Variants in IPO11 observed in about 807,000 individuals in gnomAD.
IPO11 encodes the protein importin 11, also known as importin-11.
IPO11 carries 66 observed loss-of-function variants against 143.2 expected under a neutral mutation model. The ratio of observed to expected loss-of-function variants is 0.46; its 90% CI spans 0.38 to 0.57. The LOEUF (loss-of-function observed/expected upper bound fraction) is 0.57. Ranked by LOEUF, IPO11 falls within the 20% of genes least tolerant of loss-of-function variation. The pLI, the probability that IPO11 is intolerant of heterozygous loss-of-function variation, is 0.00. For synonymous variants in IPO11, 385 were observed against 377.8 expected, an observed-to-expected ratio of 1.02 and a Z score of -0.22; for missense variants, 1,026 against 1,141.0, an observed-to-expected ratio of 0.90 and a Z score of 1.45.
chr5:62,545,519 A>G (rs984877009), intron 24 of IPO11, among the ~76,000 whole-genome samples: 1 of 152,128 alleles, frequency 6.6e-6, no homozygotes, highest in African/African-American at 2.4e-5. Flanking sequence ...TAGGCAATAC[A>G]ATTCAGGACA....
At chr5:62,449,390 T>G (rs560201590) in intron 3 of IPO11, among the ~76,000 whole-genome samples, 1 of 152,348 alleles carries the variant, frequency 6.6e-6, no homozygotes, top group Non-Finnish European at 1.5e-5. Context: ...TGATTTCTGA[T>G]AAGTCACCCA....
intron 24 of IPO11, among the ~76,000 whole-genome samples, chr5:62,543,981 T>C (rs1013063122): frequency 1.4e-4 from 21 of 152,334 alleles, no homozygotes; most frequent in Non-Finnish European, 2.5e-4. Context: ...TCAGTTTCCA[T>C]GTAGTTGAGC....
At chr5:62,618,844 C>T (rs891842741) in intron 29 of IPO11, among the ~76,000 whole-genome samples, 7 of 152,132 alleles carry the variant, frequency 4.6e-5, no homozygotes, top group Non-Finnish European at 1.0e-4. Context: ...CCAAAAGCCC[C>T]TCTCCTCAAA....
intron 1 of IPO11, among the ~76,000 whole-genome samples, chr5:62,420,309 AAG>A (rs1743466435): frequency 6.6e-6 from 1 of 151,718 alleles, no homozygotes; most frequent in African/African-American, 2.4e-5. Context: ...AAAAAAAAAA[AAG>A]TATAATGTAG....
Position 62,489,387 on chromosome 5 carries a change from T to C in IPO11, c.1357+38T>C, listed in dbSNP as rs772497955. The C allele has an allele frequency of 4.3e-6, 6 of 1,398,786 alleles. No homozygotes were observed. The South Asian group carries it at 7.8e-5, about 18-fold the overall frequency. The allele number at this position is 1,398,786 out of a possible 1,614,324, so 86.6% of individuals were successfully genotyped here. ...TAAGTGATTTAGAAGCATTTATTTA[T>C]TCAGTAGATGGAGAGTCTGTTTTGT... On this transcript the variant is annotated intron_variant, in intron 14 of 29. Transcript: ENST00000325324.
intron 27 of IPO11, among the ~76,000 whole-genome samples, chr5:62,568,585 A>AAAAAC (rs1744035505): frequency 6.6e-6 from 1 of 150,776 alleles, no homozygotes; most frequent in South Asian, 2.1e-4. Flanking sequence ...AAAAAAAAAA[A>AAAAAC]AAAAAAAAAA....
chr5:62,507,057 T>C (rs1741577758), intron 19 of IPO11, among the ~76,000 whole-genome samples: 1 of 152,204 alleles, frequency 6.6e-6, no homozygotes, highest in African/African-American at 2.4e-5. Flanking sequence ...AAGCAGTTGA[T>C]GAGAATAGCT....
chr5:62,558,992 GTAT>G (rs1295003410), intron 26 of IPO11, among the ~76,000 whole-genome samples: 1 of 152,072 alleles, frequency 6.6e-6, no homozygotes, highest in African/African-American at 2.4e-5. Context: ...GTGCACAATG[GTAT>G]TATGTCTAAA....
intron 1 of IPO11, among the ~76,000 whole-genome samples, chr5:62,436,277 G>T (rs781496873): frequency 2.0e-5 from 3 of 152,052 alleles, no homozygotes; most frequent in Non-Finnish European, 4.4e-5. Context: ...TTTAACAAAG[G>T]AATTCATTTG....
At chr5:62,614,938 C>A (rs1746074610) in intron 29 of IPO11, among the ~76,000 whole-genome samples, 2 of 152,052 alleles carry the variant, frequency 1.3e-5, no homozygotes, top group Admixed American at 1.3e-4. Flanking sequence ...GGAAGATGAT[C>A]TTTCCCTAGA....
chr5:62,579,293 A>C (rs1337800955), intron 27 of IPO11: 5 of 738,576 alleles, frequency 6.8e-6, no homozygotes, highest in Non-Finnish European at 1.2e-5. Flanking sequence ...TTATGATAGT[A>C]TTATTGGCTG....
intron 1 of IPO11, among the ~76,000 whole-genome samples, chr5:62,435,170 A>ATG (rs1305028370): frequency 0.042 from 4,289 of 103,284 alleles, 425 homozygotes; most frequent in South Asian, 0.071. Context: ...ATGTATATAT[A>ATG]TGTATATATG....
At chr5:62,539,949 G>A (rs1742870863) in intron 24 of IPO11, among the ~76,000 whole-genome samples, 1 of 152,192 alleles carries the variant, frequency 6.6e-6, no homozygotes, top group African/African-American at 2.4e-5. Context: ...GGTGATGTGG[G>A]AGTGATTAAA....
chr5:62,518,685 C>T (rs1423860077), intron 20 of IPO11, among the ~76,000 whole-genome samples: 2 of 152,008 alleles, frequency 1.3e-5, no homozygotes, highest in African/African-American at 2.4e-5. Flanking sequence ...GCTTTTGACA[C>T]GTAACAGACA....
chr5:62,515,296 CTGGGACTTAATAGTGCTCTCAT>C lies in IPO11; in HGVS notation c.1783-89_1783-68del. 4.2e-6 allele frequency: 3 copies of C among 716,626 alleles called. No individual in the cohort carries two copies. In the South Asian group the frequency reaches 6.1e-5, roughly 15 times the overall value. The allele number at this position is 716,626 out of a possible 1,614,324, so 44.4% of individuals were successfully genotyped here. A position where few individuals can be genotyped will look rare whatever the true frequency, so the allele number is the denominator to read the frequency against. On this transcript the variant is annotated intron_variant, in intron 19 of 29. Transcript: ENST00000325324. The stretch of plus-strand genomic sequence containing the variant: ...CTAATAAATATTAAATATGTGCTGT[CTGGGACTTAATAGTGCTCTCAT>C]TGTTTTTCAAAGTAAATTGCCTTCT...
At chr5:62,613,744 G>C (rs1220198179) in intron 29 of IPO11, among the ~76,000 whole-genome samples, 1 of 152,150 alleles carries the variant, frequency 6.6e-6, no homozygotes, top group Non-Finnish European at 1.5e-5. Flanking sequence ...GCTTCCACCT[G>C]GTTCTCTAAG....
chr5:62,626,942 AGGG>A (rs1381737804), intron 29 of IPO11, among the ~76,000 whole-genome samples: 5 of 152,174 alleles, frequency 3.3e-5, no homozygotes, highest in African/African-American at 1.2e-4. Context: ...AAACATGTTC[AGGG>A]GGCGCTAGGG....
chr5:62,552,825 T>C (rs1167895287), intron 26 of IPO11, among the ~76,000 whole-genome samples: 1 of 152,198 alleles, frequency 6.6e-6, no homozygotes, highest in Non-Finnish European at 1.5e-5. Flanking sequence ...CTTAAAAATT[T>C]TTTTAATTGA....
intron 5 of IPO11, among the ~76,000 whole-genome samples, chr5:62,452,194 G>T (rs1368931540): frequency 6.6e-6 from 1 of 151,516 alleles, no homozygotes; most frequent in African/African-American, 2.4e-5. Flanking sequence ...GCAATGAGCC[G>T]TGATTGTGTC....
Sources: gnomAD v4.1 joint callset for allele counts (sites outside exome capture counted in the v4.1 genomes callset) on GRCh38, gnomAD v4.1.1 for gene constraint, MANE v1.5 for transcripts, NCBI Gene and HGNC (gene_info 2026-07-23, HGNC 2026-07-21) for gene names.